WWOX: variants seen among roughly 807,000 people sequenced by gnomAD.
WWOX encodes the protein WW domain containing oxidoreductase, also known as WW domain-containing oxidoreductase.
Under a neutral mutation model 46.2 loss-of-function variants are expected in WWOX, and 69 were observed. The observed-to-expected ratio is 1.49, with a 90% CI of 1.23 to 1.82. The LOEUF (loss-of-function observed/expected upper bound fraction) is 1.82. Ranked by LOEUF, WWOX falls within the 40% of genes most tolerant of loss-of-function variation. WWOX has a pLI of 0.00. For synonymous variants in WWOX, 359 were observed against 202.6 expected (o/e 1.77, Z -6.56); for missense variants, 919 against 542.6 (o/e 1.69, Z -6.89).
At chr16:78,445,794 C>G (rs930134626) in intron 8 of WWOX, among the ~76,000 whole-genome samples, 1 of 150,700 alleles carries the variant, frequency 6.6e-6, no homozygotes, top group South Asian at 2.1e-4. Context: ...ATGAGAATCA[C>G]TTGAACCCAG....
intron 8 of WWOX, among the ~76,000 whole-genome samples, chr16:78,443,222 A>T (rs9926474): frequency 0.15 from 22,418 of 149,348 alleles, 2,209 homozygotes; most frequent in East Asian, 0.29. Context: ...TGAAAATCAC[A>T]TGAACCTGGG....
At chr16:78,543,708 C>T (rs1050839984) in intron 8 of WWOX, among the ~76,000 whole-genome samples, 2 of 152,128 alleles carry the variant, frequency 1.3e-5, no homozygotes, top group African/African-American at 4.8e-5. Context: ...CTTTTGTGCT[C>T]CTTGTCTTGT....
At chr16:78,856,306 G>A (rs2052565222) in intron 8 of WWOX, among the ~76,000 whole-genome samples, 2 of 152,194 alleles carry the variant, frequency 1.3e-5, no homozygotes, top group Admixed American at 1.3e-4. Context: ...AAGCTTTAAA[G>A]CAGGGAGTAA....
intron 8 of WWOX, among the ~76,000 whole-genome samples, chr16:78,573,814 ATCAT>A (rs2044779812): frequency 6.6e-6 from 1 of 152,232 alleles, no homozygotes; most frequent in South Asian, 2.1e-4. Flanking sequence ...CCACTTGTGT[ATCAT>A]TCACTATTCT....
chr16:78,128,683 T>C (rs767678678), intron 4 of WWOX, among the ~76,000 whole-genome samples: 8 of 152,226 alleles, frequency 5.3e-5, no homozygotes, highest in Non-Finnish European at 8.8e-5. Context: ...AGCAAAAGAA[T>C]GAAAATAATC....
intron 5 of WWOX, among the ~76,000 whole-genome samples, chr16:78,362,499 C>G (rs2081432756): frequency 6.6e-6 from 1 of 152,072 alleles, no homozygotes; most frequent in Non-Finnish European, 1.5e-5. Flanking sequence ...GTTCCAGGTA[C>G]TCGGGAGGCT....
chr16:78,580,930 C>G (rs1298934157), intron 8 of WWOX, among the ~76,000 whole-genome samples: 2 of 152,142 alleles, frequency 1.3e-5, no homozygotes, highest in Non-Finnish European at 2.9e-5. Context: ...AATTTAGTAG[C>G]CAGCTAAAGG....
intron 8 of WWOX, among the ~76,000 whole-genome samples, chr16:78,498,860 C>T (rs538616961): frequency 1.8e-4 from 17 of 92,656 alleles, no homozygotes; most frequent in Middle Eastern, 0.013. Context: ...GCCACTGTTA[C>T]TGGTCTGTTT....
At chr16:78,919,269 A>G (rs1051969685) in intron 8 of WWOX, among the ~76,000 whole-genome samples, 5 of 151,930 alleles carry the variant, frequency 3.3e-5, no homozygotes, top group Non-Finnish European at 7.4e-5. Flanking sequence ...CTCTTAGCCC[A>G]CTTTTATAGA....
chr16:79,165,477 G>C (rs965457115), intron 8 of WWOX, among the ~76,000 whole-genome samples: 1 of 152,154 alleles, frequency 6.6e-6, no homozygotes, highest in African/African-American at 2.4e-5. Context: ...ACGAAAAATA[G>C]AATCAGAGCA....
rs182797506 is a variant in WWOX at position 78,268,759 on chromosome 16, C to A, written c.516+104470C>A. ...GACTTCCCCATTTTATAATTTTCTG[C>A]AAGTCACATAAGCCTTCATGTTGTT... On this transcript the variant is annotated intron_variant, in intron 5 of 8. Transcript: ENST00000566780. Among the ~76,000 whole-genome samples, 1,054 of 152,216 alleles carry A rather than the reference C, an allele frequency of 6.9e-3. 1 individual carries two copies. The highest frequency in any genetic ancestry group is 0.011 in the Non-Finnish European group (775 of 68,006).
At chr16:79,140,463 C>A (rs1223259994) in intron 8 of WWOX, among the ~76,000 whole-genome samples, 3 of 152,208 alleles carry the variant, frequency 2.0e-5, no homozygotes, top group Admixed American at 1.3e-4. Context: ...AGCACTGACA[C>A]CTGAGAAGTC....
At chr16:78,846,382 TATC>T (rs2052299363) in intron 8 of WWOX, among the ~76,000 whole-genome samples, 4 of 152,176 alleles carry the variant, frequency 2.6e-5, no homozygotes. Flanking sequence ...TGGCATTTAT[TATC>T]ATATCTCTCC....
At chr16:78,933,960 G>A (rs1308084734) in intron 8 of WWOX, among the ~76,000 whole-genome samples, 1 of 152,086 alleles carries the variant, frequency 6.6e-6, no homozygotes, top group Non-Finnish European at 1.5e-5. Context: ...GGGAGGCCAA[G>A]GTGGGAGAAT....
intron 8 of WWOX, among the ~76,000 whole-genome samples, chr16:78,471,280 C>T (rs899882542): frequency 2.0e-5 from 3 of 152,196 alleles, no homozygotes; most frequent in South Asian, 4.1e-4. Context: ...CATTCTGATG[C>T]AAACATGGAA....
chr16:78,143,169 A>G (rs2034045515), intron 4 of WWOX, among the ~76,000 whole-genome samples: 1 of 152,238 alleles, frequency 6.6e-6, no homozygotes, highest in Non-Finnish European at 1.5e-5. Context: ...GAATACTTAG[A>G]AAATTTGTTT....
rs139518621 is a variant in WWOX at position 78,765,184 on chromosome 16, G to C, written c.1056+332432G>C. On this transcript the variant is annotated intron_variant, in intron 8 of 8. Coordinates refer to ENST00000566780, the MANE Select transcript of WWOX (RefSeq NM_016373.4). ...CCCCACAGTGTGGGGATTGGGGTGG[G>C]ATATGTGACAACAAAGGCATCCCTG... is the stretch of plus-strand genomic sequence containing the variant. Among the ~76,000 whole-genome samples, 256 of 152,322 alleles carry C rather than the reference G, an allele frequency of 1.7e-3. 1 individual carries two copies. Among genetic ancestry groups the C allele is most frequent in the African/African-American group, 5.7e-3 (237 of 41,570 alleles).
rs574353298 is a variant in WWOX at position 78,918,298 on chromosome 16, C to G, written c.1057-293310C>G. Among the ~76,000 whole-genome samples, 5 of 152,290 alleles carry G rather than the reference C, an allele frequency of 3.3e-5. No homozygotes were observed. In the South Asian group the frequency reaches 1.0e-3, roughly 32 times the overall value. On this transcript the variant is annotated intron_variant, in intron 8 of 8. Transcript: ENST00000566780. The stretch of plus-strand genomic sequence containing the variant: ...AATAAATGGATACATGATATTTGTA[C>G]TTCTAAGAGGCATCTTCTATACATT...
At chr16:78,496,747 CT>C (rs2084928221) in intron 8 of WWOX, among the ~76,000 whole-genome samples, 1 of 152,186 alleles carries the variant, frequency 6.6e-6, no homozygotes, top group African/African-American at 2.4e-5. Context: ...AGCTTTCTTA[CT>C]GTGTGTTTGC....
Sources: gnomAD v4.1 joint callset for allele counts (sites outside exome capture counted in the v4.1 genomes callset) on GRCh38, gnomAD v4.1.1 for gene constraint, MANE v1.5 for transcripts, NCBI Gene and HGNC (gene_info 2026-07-23, HGNC 2026-07-21) for gene names.